The following GDF9 variants were observed in gnomAD, a reference collection of about 807,000 sequenced individuals.
GDF9 encodes growth/differentiation factor 9.
In GDF9, 30 loss-of-function variants were observed where a neutral mutation model predicts 33.8. That is an observed-to-expected ratio of 0.89 (90% confidence interval 0.66 to 1.20). The LOEUF (loss-of-function observed/expected upper bound fraction) is 1.20, where lower values mean the gene tolerates loss of function less well. Among genes scored for constraint, GDF9 ranks in the 50% most tolerant of loss-of-function variants. The probability of loss-of-function intolerance (pLI) is 0.00; values close to 1 mark genes in which losing one functional copy is unlikely to be tolerated. For synonymous variants in GDF9, 205 were observed against 200.7 expected (o/e 1.02, Z -0.18); for missense variants, 556 against 543.7 (o/e 1.02, Z -0.22).
chr5:132,864,640 G>T lies in GDF9; in HGVS notation c.-107C>A. 1 of 1,119,322 alleles carries T rather than the reference G, an allele frequency of 8.9e-7. No individual in the cohort carries two copies. Among genetic ancestry groups the T allele is most frequent in the Non-Finnish European group, 1.3e-6 (1 of 752,096 alleles). The allele number at this position is 1,119,322 out of a possible 1,614,324, so 69.3% of individuals were successfully genotyped here. ...TAAATAAATTTCAGGTGTGTGGGTG[G>T]ACTACGGTCACTTCTGTAATCAGGC... On this transcript the variant is annotated 5_prime_UTR_variant, in exon 1 of 2. Coordinates refer to ENST00000687138, the MANE Select transcript of GDF9 (RefSeq NM_005260.7).
Position 132,861,880 on chromosome 5 carries a change from A to G in GDF9, c.1074T>C (p.Phe358=). The G allele has an allele frequency of 1.2e-6, 2 of 1,613,292 alleles. No homozygotes were observed. The highest frequency in any genetic ancestry group is 1.7e-6 in the Non-Finnish European group (2 of 1,179,174). ...ACTTCAGCTGACTAAAGCTAAGTCT[A>G]AAGTCATGGAGCTCACACTCATTTT... The part of the protein sequence containing the change: ...LPQNECELHD[F]RLSFSQLKWD... The change falls in exon 2 of 2, where the codon TTT becomes TTC. Residue 358 remains phenylalanine, a synonymous_variant. Coordinates refer to ENST00000687138, the MANE Select transcript of GDF9 (RefSeq NM_005260.7).
intron 1 of GDF9, among the ~76,000 whole-genome samples, chr5:132,863,284 C>G (rs574147452): frequency 3.9e-5 from 6 of 152,206 alleles, no homozygotes; most frequent in Admixed American, 3.3e-4. Context: ...TGAAGAAAGT[C>G]AATTTAAAAC....
At position 132,862,218 on chromosome 5, in the gene GDF9, G is replaced by A; in HGVS notation, c.736C>T (p.His246Tyr). The A allele has an allele frequency of 3.1e-6, 5 of 1,612,846 alleles. No individual in the cohort carries two copies. The highest frequency in any genetic ancestry group is 4.2e-6 in the Non-Finnish European group (5 of 1,178,788). Reference sequence around the variant, plus strand: ...AACAAACCATTCTGTGCTGAAGGATGCTCCAGCTGGTCTTTCATGCAAGTA... The same window carrying A: ...AACAAACCATTCTGTGCTGAAGGATACTCCAGCTGGTCTTTCATGCAAGTA... ...NFTCMKDQLE[H>Y]PSAQNGLFNM... is the part of the protein sequence containing the mutation. The change falls in exon 2 of 2, where the codon CAT (histidine) becomes TAT (tyrosine). Residue 246 changes from histidine to tyrosine, a missense_variant. Physicochemically the swap from His to Tyr is moderately conservative, Grantham distance 83. Coordinates refer to ENST00000687138, the MANE Select transcript of GDF9 (RefSeq NM_005260.7).
Position 132,861,545 on chromosome 5 carries a change from A to T in GDF9, c.*44T>A. On this transcript the variant is annotated 3_prime_UTR_variant, in exon 2 of 2. Transcript: ENST00000687138. ...TTGAAGGCACACATAGGCACACAGT[A>T]GTTACTTTGCCAAATAGGCTCAAGG... 6.4e-7 allele frequency: 1 copy of T among 1,556,714 alleles called. No homozygotes were observed. The highest frequency in any genetic ancestry group is 8.9e-7 in the Non-Finnish European group (1 of 1,127,990).
chr5:132,862,577 C>T (rs771076958), intron 1 of GDF9, 21 bp from the exon 2 acceptor site: 1 of 1,591,646 alleles, frequency 6.3e-7, no homozygotes, highest in Non-Finnish European at 8.5e-7. Flanking sequence ...AAAAAATCTA[C>T]CAGTAGTGCT....
rs377177196 is a variant in GDF9, at chr5:132,861,650, T to C, written c.1304A>G (p.Asp435Gly). ...GTACTCTTTATAGGCAATTGAGCCA[T>C]CGGGCTCAATGGTCAAAACACTCAA... ...SPLSVLTIEP[D>G]GSIAYKEYED... is the part of the protein sequence containing the mutation. The change falls in exon 2 of 2, where the codon GAT (aspartate) becomes GGT (glycine). Residue 435 changes from aspartate to glycine, a missense_variant. By Grantham distance (94) the Asp-to-Gly change is moderately conservative. Transcript: ENST00000687138. 1.2e-6 allele frequency: 2 copies of C among 1,601,744 alleles called. No homozygotes were observed. Among genetic ancestry groups the C allele is most frequent in the Admixed American group, 1.7e-5 (1 of 59,992 alleles).
Position 132,865,068 on chromosome 5 carries a change from A to G in GDF9, c.-535T>C, listed in dbSNP as rs1000389665. 1 of 154,474 alleles carries G rather than the reference A, an allele frequency of 6.5e-6. No homozygotes were observed. The highest frequency in any genetic ancestry group is 2.4e-5 in the African/African-American group (1 of 41,468). The allele number at this position is 154,474 out of a possible 1,614,324, so 9.6% of individuals were successfully genotyped here. A position where few individuals can be genotyped will look rare whatever the true frequency, so the allele number is the denominator to read the frequency against. ...GCCTTTTCCACTTCCAGGTGTTTACAATTGTAATTATTCGCTGCATGTTAA... is the reference window on the plus strand; with the variant it reads ...GCCTTTTCCACTTCCAGGTGTTTACGATTGTAATTATTCGCTGCATGTTAA... On this transcript the variant is annotated 5_prime_UTR_variant, in exon 1 of 2. Coordinates refer to ENST00000687138, the MANE Select transcript of GDF9 (RefSeq NM_005260.7).
Position 132,865,900 on chromosome 5 carries a change from T to C in GDF9, c.-1367A>G, listed in dbSNP as rs911954764. Among the ~76,000 whole-genome samples, 4 of 152,328 alleles carry C rather than the reference T, an allele frequency of 2.6e-5. No homozygotes were observed. The highest frequency in any genetic ancestry group is 9.6e-5 in the African/African-American group (4 of 41,574). ...TTCTCACGTGGGGAGAAGAAAGAAC[T>C]GGGGCATCGTGATTCCCCCCACCCC... On this transcript the variant is annotated 5_prime_UTR_variant, in exon 1 of 2. Transcript: ENST00000687138.
Position 132,861,280 on chromosome 5 carries a change from G to A in GDF9, c.*309C>T. ...CCATCCAGGATTGATGCTAATTAAG[G>A]TTTTTTCCCTATCAAGAATAAGACT... On this transcript the variant is annotated 3_prime_UTR_variant, in exon 2 of 2. Transcript: ENST00000687138. 1 of 343,804 alleles carries A rather than the reference G, an allele frequency of 2.9e-6. No homozygotes were observed. Among genetic ancestry groups the A allele is most frequent in the Non-Finnish European group, 5.4e-6 (1 of 184,842 alleles). 21.3% of individuals were successfully genotyped at this position (343,804 alleles called of 1,614,324 possible).
rs1402927761 is a variant in GDF9, at chr5:132,864,869, T to C, written c.-336A>G. ...AAGTCTAAGATAAATTGAGGAATGA[T>C]CTTAAATAAAATCTCTCATTTTTTG... On this transcript the variant is annotated 5_prime_UTR_variant, in exon 1 of 2. Coordinates refer to ENST00000687138, the MANE Select transcript of GDF9 (RefSeq NM_005260.7). 5 of 273,274 alleles carry C rather than the reference T, an allele frequency of 1.8e-5. No homozygotes were observed. Among genetic ancestry groups the C allele is most frequent in the Non-Finnish European group, 3.5e-5 (5 of 144,824 alleles). 16.9% of individuals were successfully genotyped at this position (273,274 alleles called of 1,614,324 possible). A position where few individuals can be genotyped will look rare whatever the true frequency, so the allele number is the denominator to read the frequency against.
In GDF9 at chr5:132,861,531, C is replaced by T; in HGVS notation, c.*58G>A. ...TATGAAGCTTTCTCTTGAAGGCACA[C>T]ATAGGCACACAGTAGTTACTTTGCC... On this transcript the variant is annotated 3_prime_UTR_variant, in exon 2 of 2. Transcript: ENST00000687138. The T allele has an allele frequency of 2.1e-6, 3 of 1,462,712 alleles. No individual in the cohort carries two copies. In the Admixed American group the frequency reaches 5.0e-5, roughly 24 times the overall value. 90.6% of individuals were successfully genotyped at this position (1,462,712 alleles called of 1,614,324 possible).
intron 1 of GDF9, 89 bp from the exon 2 acceptor site, chr5:132,862,645 C>T (rs1759348916): frequency 3.1e-6 from 3 of 953,106 alleles, no homozygotes; most frequent in Non-Finnish European, 4.9e-6. Flanking sequence ...TCATAATATG[C>T]TTTCTCCCTT....
chr5:132,864,954 A>G lies in GDF9; in HGVS notation c.-421T>C, dbSNP rs1031573107. On this transcript the variant is annotated 5_prime_UTR_variant, in exon 1 of 2. Transcript: ENST00000687138. ...CTGAAACTTCTAAGGCATGTGGAAA[A>G]GCTAACCAATTATTCATGACGATAC... is the stretch of plus-strand genomic sequence containing the variant. The G allele has an allele frequency of 1.5e-5, 3 of 194,940 alleles. No homozygotes were observed. Among genetic ancestry groups the G allele is most frequent in the African/African-American group, 7.1e-5 (3 of 42,390 alleles). 12.1% of individuals were successfully genotyped at this position (194,940 alleles called of 1,614,324 possible).
intron 1 of GDF9, among the ~76,000 whole-genome samples, chr5:132,863,055 G>T (rs957125556): frequency 4.6e-5 from 7 of 152,088 alleles, no homozygotes; most frequent in Non-Finnish European, 1.5e-5. Flanking sequence ...TTGAACTTCT[G>T]GGCTCAGGCG....
chr5:132,862,175 G>T lies in GDF9; in HGVS notation c.779C>A (p.Ser260Tyr). The change falls in exon 2 of 2, where the codon TCC (serine) becomes TAC (tyrosine). Residue 260 changes from serine (S) to tyrosine (Y), a missense_variant. Physicochemically the swap from Ser to Tyr is moderately radical, Grantham distance 144. Transcript: ENST00000687138. ...QNGLFNMTLV[S>Y]PSLILYLNDT... ...ATTCAAATATAAGATCAGTGAGGGG[G>T]ACACCAGAGTCATGTTAAACAAACC... 1 of 1,613,276 alleles carries T rather than the reference G, an allele frequency of 6.2e-7. No homozygotes were observed. The highest frequency in any genetic ancestry group is 1.3e-5 in the African/African-American group (1 of 74,992).
At chr5:132,862,677 G>A in intron 1 of GDF9, 121 bp from the exon 2 acceptor site, 2 of 759,504 alleles carry the variant, frequency 2.6e-6, no homozygotes, top group Admixed American at 2.6e-5. Flanking sequence ...ACTTTCTCAA[G>A]CCTCAAAAAA....
chr5:132,864,357 A>G lies in GDF9; in HGVS notation c.177T>C (p.Ala59=). The change falls in exon 1 of 2, where the codon GCT becomes GCC. Residue 59 remains alanine, a synonymous_variant. Coordinates refer to ENST00000687138, the MANE Select transcript of GDF9 (RefSeq NM_005260.7). Reference sequence around the variant, plus strand: ...CTTTGAAAAGCGCGGGAAGGAGGCCAGCTCTGTCTCTCTCATCTATATGCT... The same window carrying G: ...CTTTGAAAAGCGCGGGAAGGAGGCCGGCTCTGTCTCTCTCATCTATATGCT... The part of the protein sequence containing the change: ...LLQHIDERDR[A]GLLPALFKVL... 6.2e-7 allele frequency: 1 copy of G among 1,614,206 alleles called. No individual in the cohort carries two copies. The highest frequency in any genetic ancestry group is 8.5e-7 in the Non-Finnish European group (1 of 1,180,040).
rs774913288 is a variant in GDF9, at chr5:132,864,401, T to C, written c.133A>G (p.Met45Val). 2.2e-5 allele frequency: 36 copies of C among 1,613,786 alleles called. No individual in the cohort carries two copies. The South Asian group carries it at 3.3e-4, about 15-fold the overall frequency. Residue 45 changes from methionine to valine, a missense_variant, in exon 1 of 2, where the codon ATG becomes GTG. Met to Val is a conservative substitution (Grantham distance 21). Coordinates refer to ENST00000687138, the MANE Select transcript of GDF9 (RefSeq NM_005260.7). ...AASAELESGA[M>V]PWSLLQHIDE... ...ATATGCTGCAGCAAGGACCAAGGCATAGCCCCAGATTCCAACTCAGCACTA... is the reference window on the plus strand; with the variant it reads ...ATATGCTGCAGCAAGGACCAAGGCACAGCCCCAGATTCCAACTCAGCACTA...
chr5:132,866,021 C>G lies in GDF9; in HGVS notation c.-1488G>C, dbSNP rs562856013. ...TGATTATTTTTGTGGCTGAAACTGA[C>G]GAAACGTTTGTATTATCTCTTGGGA... On this transcript the variant is annotated 5_prime_UTR_variant, in exon 1 of 2. Coordinates refer to ENST00000687138, the MANE Select transcript of GDF9 (RefSeq NM_005260.7). 2.6e-5 allele frequency among the ~76,000 whole-genome samples: 4 copies of G among 152,272 alleles called. No homozygotes were observed. In the South Asian group the frequency reaches 6.2e-4, roughly 24 times the overall value.
Sources: gnomAD v4.1 joint callset for allele counts (sites outside exome capture counted in the v4.1 genomes callset) on GRCh38, gnomAD v4.1.1 for gene constraint, MANE v1.5 for transcripts, NCBI Gene and HGNC (gene_info 2026-07-23, HGNC 2026-07-21) for gene names.